Variants in HLCS observed in about 807,000 individuals in gnomAD.
HLCS encodes the protein holocarboxylase synthetase.
HLCS carries 53 observed loss-of-function variants against 75.0 expected under a neutral mutation model. The observed-to-expected ratio is 0.71, with a 90% CI of 0.57 to 0.89. The LOEUF is 0.89. Ranked by LOEUF, HLCS falls within the 40% of genes least tolerant of loss-of-function variation. The probability of loss-of-function intolerance (pLI) is 0.00; values close to 1 mark genes in which losing one functional copy is unlikely to be tolerated. For synonymous variants in HLCS, 431 were observed against 428.6 expected, an observed-to-expected ratio of 1.01 and a Z score of -0.07; for missense variants, 966 against 1,074.0, an observed-to-expected ratio of 0.90 and a Z score of 1.41.
upstream of HLCS, among the ~76,000 whole-genome samples, chr21:36,967,217 C>A (rs1282191963): frequency 3.9e-5 from 6 of 152,084 alleles, no homozygotes; most frequent in African/African-American, 1.4e-4. Flanking sequence ...GCTACCCAGT[C>A]GACTTGGGAA....
intron 6 of HLCS, among the ~76,000 whole-genome samples, chr21:36,815,751 T>C (rs2061646501): frequency 1.3e-5 from 2 of 152,186 alleles, no homozygotes; most frequent in African/African-American, 2.4e-5. Flanking sequence ...AAAAGTTATC[T>C]GGAGAAAAGT....
At chr21:36,832,213 A>G (rs531223630) in intron 6 of HLCS, among the ~76,000 whole-genome samples, 1 of 152,320 alleles carries the variant, frequency 6.6e-6, no homozygotes, top group South Asian at 2.1e-4. Context: ...TATGTGCTCC[A>G]AGTTATAACC....
In HLCS at chr21:36,958,303, C is replaced by T. The variant is rs1000161126; in HGVS notation, c.330+3733G>A. ...TTAGCCCTGAGTTCACCAAAACCGT[C>T]GTATCAACAGCTGGTCGTCTTCTAC... On this transcript the variant is annotated intron_variant, in intron 2 of 10. Transcript: ENST00000674895. Among the ~76,000 whole-genome samples, 7 of 151,648 alleles carry T rather than the reference C, an allele frequency of 4.6e-5. No homozygotes were observed. In the East Asian group the frequency reaches 5.8e-4, roughly 13 times the overall value.
At chr21:36,909,726 G>A (rs2065620480) in intron 5 of HLCS, among the ~76,000 whole-genome samples, 1 of 152,186 alleles carries the variant, frequency 6.6e-6, no homozygotes, top group Non-Finnish European at 1.5e-5. Context: ...CCAAAGTGCT[G>A]GGTTTACAGG....
At chr21:36,831,627 G>A (rs1303932823) in intron 6 of HLCS, among the ~76,000 whole-genome samples, 1 of 152,106 alleles carries the variant, frequency 6.6e-6, no homozygotes, top group Non-Finnish European at 1.5e-5. Flanking sequence ...AGGTTGCAGT[G>A]AGCCAAGATC....
chr21:36,902,739 G>C (rs2065290025), intron 5 of HLCS, among the ~76,000 whole-genome samples: 1 of 152,212 alleles, frequency 6.6e-6, no homozygotes, highest in Non-Finnish European at 1.5e-5. Flanking sequence ...GCAGTGGGGA[G>C]AATCTTCTGA....
At chr21:36,938,697 G>A (rs961629294) in intron 3 of HLCS, 135 bp downstream of exon 3, 2 of 826,212 alleles carry the variant, frequency 2.4e-6, no homozygotes, top group African/African-American at 3.4e-5. Flanking sequence ...TTGGAGATAG[G>A]GGTCTATGCT....
intron 5 of HLCS, among the ~76,000 whole-genome samples, chr21:36,901,785 A>G (rs116489480): frequency 2.2e-4 from 33 of 152,288 alleles, no homozygotes; most frequent in African/African-American, 7.9e-4. Flanking sequence ...ACTTGATTAC[A>G]TCTGCAAAGA....
intron 6 of HLCS, among the ~76,000 whole-genome samples, chr21:36,767,772 G>A (rs2090091852): frequency 6.6e-6 from 1 of 152,150 alleles, no homozygotes; most frequent in South Asian, 2.1e-4. Context: ...TGGCAATAAA[G>A]CCGTTTAAAA....
At chr21:36,904,007 A>C (rs960521696) in intron 5 of HLCS, among the ~76,000 whole-genome samples, 4 of 152,040 alleles carry the variant, frequency 2.6e-5, no homozygotes, top group Admixed American at 1.3e-4. Flanking sequence ...CCATGTTATA[A>C]TGCAGCAAGA....
chr21:36,947,619 A>G (rs2067466834), intron 2 of HLCS: 1 of 985,364 alleles, frequency 1.0e-6, no homozygotes, highest in South Asian at 4.7e-5. Flanking sequence ...GTTTCCTCCT[A>G]TAATAGCAGC....
At chr21:36,820,027 T>C (rs1422093669) in intron 6 of HLCS, among the ~76,000 whole-genome samples, 2 of 152,246 alleles carry the variant, frequency 1.3e-5, no homozygotes, top group Middle Eastern at 3.4e-3. Flanking sequence ...ACTCACGCCA[T>C]GTCAGGGTCC....
upstream of HLCS, among the ~76,000 whole-genome samples, chr21:36,968,308 A>G (rs760533094): frequency 6.6e-6 from 1 of 152,218 alleles, no homozygotes; most frequent in Admixed American, 6.5e-5. Flanking sequence ...ATAGATTTTT[A>G]AAGTACCTTG....
chr21:36,779,281 G>A (rs549501238), intron 6 of HLCS, among the ~76,000 whole-genome samples: 2 of 151,926 alleles, frequency 1.3e-5, no homozygotes, highest in East Asian at 1.9e-4. Flanking sequence ...ATTTCCTTCC[G>A]TCCATCCATC....
At chr21:36,810,901 C>G (rs879215182) in intron 6 of HLCS, among the ~76,000 whole-genome samples, 6 of 152,090 alleles carry the variant, frequency 3.9e-5, no homozygotes, top group African/African-American at 1.4e-4. Flanking sequence ...TGGGAGCCTA[C>G]TTTTCAAACC....
intron 6 of HLCS, among the ~76,000 whole-genome samples, chr21:36,809,213 T>TAA (rs36086662): frequency 0.011 from 1,628 of 147,106 alleles, 23 homozygotes; most frequent in African/African-American, 0.037. Flanking sequence ...GACCTCAACT[T>TAA]AAAAAAAAAA....
chr21:36,767,796 C>T (rs2090092881), intron 6 of HLCS, among the ~76,000 whole-genome samples: 1 of 152,190 alleles, frequency 6.6e-6, no homozygotes, highest in African/African-American at 2.4e-5. Context: ...ACACTATCCC[C>T]TGAGAACTAA....
At position 36,759,736 on chromosome 21, in the gene HLCS, T is replaced by A; in HGVS notation, c.2227A>T (p.Ile743Leu). The change falls in exon 9 of 11, where the codon ATA (isoleucine) becomes TTA (leucine). Residue 743 changes from isoleucine (I) to leucine (L), a missense_variant. Coordinates refer to ENST00000674895, the MANE Select transcript of HLCS (RefSeq NM_001352514.2). ...GGTTTTTGAAACTTACCAATAAGTA[T>A]ATAAAATGTTTCTCCCATGAGTGTT... ...NSTLMGETFY[I>L]LIGCGFNVTN... The A allele has an allele frequency of 5.1e-6, 8 of 1,576,230 alleles. No individual in the cohort carries two copies. The highest frequency in any genetic ancestry group is 6.1e-6 in the Non-Finnish European group (7 of 1,145,346).
chr21:36,762,496 G>A (rs963364393), intron 8 of HLCS, among the ~76,000 whole-genome samples: 1 of 152,198 alleles, frequency 6.6e-6, no homozygotes, highest in African/African-American at 2.4e-5. Flanking sequence ...TGGGTCTGGG[G>A]AGGGTGGTCA....
Sources: gnomAD v4.1 joint callset for allele counts (sites outside exome capture counted in the v4.1 genomes callset) on GRCh38, gnomAD v4.1.1 for gene constraint, MANE v1.5 for transcripts, NCBI Gene and HGNC (gene_info 2026-07-23, HGNC 2026-07-21) for gene names.